Variants in NTM observed in about 807,000 individuals in gnomAD.
NTM encodes IgLON family member 2.
NTM carries 13 observed loss-of-function variants against 42.1 expected under a neutral mutation model. That is an observed-to-expected ratio of 0.31 (90% CI 0.20 to 0.49). The LOEUF is 0.49. NTM is among the 20% of genes least tolerant of loss of function. NTM has a pLI of 0.99. For synonymous variants in NTM, 187 were observed against 179.2 expected, an observed-to-expected ratio of 1.04 and a Z score of -0.35; for missense variants, 373 against 452.8, an observed-to-expected ratio of 0.82 and a Z score of 1.60.
chr11:131,525,501 G>C (rs2050350623), intron 1 of NTM, among the ~76,000 whole-genome samples: 1 of 152,166 alleles, frequency 6.6e-6, no homozygotes, highest in South Asian at 2.1e-4. Flanking sequence ...GCACAGTCGG[G>C]GTGGGCCAGG....
At chr11:132,256,280 C>A (rs552647824) in intron 4 of NTM, among the ~76,000 whole-genome samples, 8 of 152,206 alleles carry the variant, frequency 5.3e-5, no homozygotes, top group South Asian at 2.1e-4. Flanking sequence ...GACAGCATTA[C>A]TGACCAGACC....
chr11:132,249,875 A>G (rs1202601497), intron 4 of NTM, among the ~76,000 whole-genome samples: 2 of 152,208 alleles, frequency 1.3e-5, no homozygotes, highest in African/African-American at 4.8e-5. Context: ...CTCTTGGCCC[A>G]ACTTCATTGC....
intron 2 of NTM, among the ~76,000 whole-genome samples, chr11:132,139,369 A>G (rs370846632): frequency 5.9e-5 from 9 of 152,212 alleles, no homozygotes; most frequent in East Asian, 1.9e-4. Context: ...CAAACAAGAT[A>G]TGACCTATTG....
At chr11:131,557,757 G>A (rs1314108290) in intron 1 of NTM, among the ~76,000 whole-genome samples, 1 of 151,014 alleles carries the variant, frequency 6.6e-6, no homozygotes, top group East Asian at 2.0e-4. Flanking sequence ...GGGGTGTGGG[G>A]GTATGGGGTG....
At chr11:131,455,211 G>A (rs1950779376) in intron 1 of NTM, among the ~76,000 whole-genome samples, 1 of 152,198 alleles carries the variant, frequency 6.6e-6, no homozygotes, top group African/African-American at 2.4e-5. Context: ...CAACTGTAAT[G>A]CAACAGCTGC....
intron 2 of NTM, among the ~76,000 whole-genome samples, chr11:131,976,116 A>ATTCCTTCC (rs373955090): frequency 0.33 from 41,008 of 123,400 alleles, 7,424 homozygotes; most frequent in Admixed American, 0.4. Flanking sequence ...TCCCTCCCTC[A>ATTCCTTCC]TTCCTTCCTT....
At chr11:131,735,126 G>A (rs531624878) in intron 1 of NTM, among the ~76,000 whole-genome samples, 17 of 152,314 alleles carry the variant, frequency 1.1e-4, no homozygotes, top group African/African-American at 3.8e-4. Context: ...CCAAAAACGT[G>A]TTGCAAGGCG....
At chr11:131,518,476 A>G (rs1401702850) in intron 1 of NTM, among the ~76,000 whole-genome samples, 1 of 152,214 alleles carries the variant, frequency 6.6e-6, no homozygotes, top group East Asian at 1.9e-4. Flanking sequence ...TTACTATGCT[A>G]CAAGGCCATC....
At chr11:131,590,213 T>C (rs1210571774) in intron 1 of NTM, among the ~76,000 whole-genome samples, 1 of 152,214 alleles carries the variant, frequency 6.6e-6, no homozygotes, top group Non-Finnish European at 1.5e-5. Context: ...TTCTGTTTTT[T>C]AGAACCAGGA....
chr11:131,732,420 A>G (rs2079813347), intron 1 of NTM, among the ~76,000 whole-genome samples: 1 of 151,948 alleles, frequency 6.6e-6, no homozygotes, highest in Non-Finnish European at 1.5e-5. Context: ...TCCACCCTCT[A>G]CCCCTTCTCT....
chr11:131,403,982 T>C (rs1256553352), intron 1 of NTM, among the ~76,000 whole-genome samples: 1 of 152,186 alleles, frequency 6.6e-6, no homozygotes, highest in African/African-American at 2.4e-5. Flanking sequence ...TCTACATCAT[T>C]GCATATTTCC....
intron 4 of NTM, among the ~76,000 whole-genome samples, chr11:132,254,164 T>C (rs1566587049): frequency 6.6e-6 from 1 of 152,140 alleles, no homozygotes; most frequent in Non-Finnish European, 1.5e-5. Context: ...ACTTAGCCCT[T>C]AGACGCACTG....
chr11:131,612,761 A>C (rs1339331898), intron 1 of NTM, among the ~76,000 whole-genome samples: 1 of 152,224 alleles, frequency 6.6e-6, no homozygotes, highest in East Asian at 1.9e-4. Context: ...GCCCAGCCAC[A>C]CCAGTTGGCA....
intron 2 of NTM, among the ~76,000 whole-genome samples, chr11:132,024,109 C>T (rs1217661736): frequency 3.3e-5 from 5 of 151,870 alleles, no homozygotes; most frequent in Admixed American, 1.3e-4. Flanking sequence ...TGAGCTACTG[C>T]ACCCAGCATT....
chr11:131,789,547 A>AGGAG (rs1378585224), intron 1 of NTM, among the ~76,000 whole-genome samples: 1 of 5,112 alleles, frequency 2.0e-4, no homozygotes, highest in African/African-American at 9.5e-4. Context: ...AAGAAGAAGA[A>AGGAG]AAGAAGAAGA....
chr11:131,491,849 T>C (rs142617214), intron 1 of NTM, among the ~76,000 whole-genome samples: 131 of 152,324 alleles, frequency 8.6e-4, no homozygotes, highest in Middle Eastern at 6.8e-3. Flanking sequence ...TCAGATCTGG[T>C]GAAGATCTGG....
At chr11:132,121,404 C>T (rs896869857) in intron 2 of NTM, among the ~76,000 whole-genome samples, 1 of 151,876 alleles carries the variant, frequency 6.6e-6, no homozygotes, top group East Asian at 1.9e-4. Flanking sequence ...ATATGAATCT[C>T]GTATAAGACT....
chr11:131,504,233 T>A (rs2047203918), intron 1 of NTM, among the ~76,000 whole-genome samples: 1 of 152,186 alleles, frequency 6.6e-6, no homozygotes, highest in Non-Finnish European at 1.5e-5. Flanking sequence ...AGCGCATGCC[T>A]GAATTCAGCC....
At chr11:131,799,613 G>T (rs1454418106) in intron 1 of NTM, among the ~76,000 whole-genome samples, 10 of 152,112 alleles carry the variant, frequency 6.6e-5, no homozygotes, top group Admixed American at 6.6e-4. Flanking sequence ...TGGAGAGTTT[G>T]TTTCCATCTG....
Sources: allele counts gnomAD v4.1 joint callset (sites outside exome capture counted in the v4.1 genomes callset), GRCh38; gene constraint gnomAD v4.1.1; transcripts MANE v1.5; gene names NCBI Gene and HGNC (gene_info 2026-07-23, HGNC 2026-07-21).